CRPPA: variants seen among roughly 807,000 people sequenced by gnomAD.
CRPPA encodes the protein D-ribitol-5-phosphate cytidylyltransferase.
A neutral mutation model predicts 52.0 loss-of-function variants in CRPPA; 43 were observed. That is an observed-to-expected ratio of 0.83 (90% CI 0.65 to 1.07). The LOEUF (loss-of-function observed/expected upper bound fraction) is 1.07, where lower values mean the gene tolerates loss of function less well. Ranked by LOEUF, CRPPA falls within the 50% of genes least tolerant of loss-of-function variation. The pLI is 0.00. For missense variants in CRPPA, 629 were observed against 551.7 expected (o/e 1.14, Z -1.40); for synonymous variants, 250 against 203.5 (o/e 1.23, Z -1.94).
At chr7:16,369,276 G>A (rs1337182447) in intron 3 of CRPPA, among the ~76,000 whole-genome samples, 1 of 152,218 alleles carries the variant, frequency 6.6e-6, no homozygotes, top group Non-Finnish European at 1.5e-5. Flanking sequence ...CAAGCAGGGG[G>A]TACATGACAG....
intron 8 of CRPPA, among the ~76,000 whole-genome samples, chr7:16,241,098 C>G (rs1783094954): frequency 6.6e-6 from 1 of 152,246 alleles, no homozygotes. Flanking sequence ...GGCTCTGCCA[C>G]TGGTGAGCTT....
chr7:16,286,044 A>AAAAAAAAT (rs1784429583), intron 5 of CRPPA, among the ~76,000 whole-genome samples: 1 of 12,542 alleles, frequency 8.0e-5, no homozygotes, highest in African/African-American at 5.3e-4. Context: ...AAAAAATATA[A>AAAAAAAAT]ATATATATAT....
intron 9 of CRPPA, among the ~76,000 whole-genome samples, chr7:16,102,940 G>T (rs752222943): frequency 6.6e-6 from 1 of 152,070 alleles, no homozygotes; most frequent in Non-Finnish European, 1.5e-5. Flanking sequence ...TTTGACCCAG[G>T]AATCCCATTA....
chr7:16,347,698 A>G (rs1786050352), intron 3 of CRPPA, among the ~76,000 whole-genome samples: 2 of 152,132 alleles, frequency 1.3e-5, no homozygotes, highest in African/African-American at 4.8e-5. Flanking sequence ...CTGAGAAAAC[A>G]TCCACACTGG....
At chr7:16,330,690 T>C (rs537238967) in intron 3 of CRPPA, among the ~76,000 whole-genome samples, 95 of 152,082 alleles carry the variant, frequency 6.2e-4, no homozygotes, top group Non-Finnish European at 1.2e-3. Flanking sequence ...CTCATACTAC[T>C]AATATGGGAG....
chr7:16,121,696 G>A (rs972399623), intron 9 of CRPPA, among the ~76,000 whole-genome samples: 4 of 152,068 alleles, frequency 2.6e-5, no homozygotes, highest in Non-Finnish European at 4.4e-5. Flanking sequence ...TCACACATAT[G>A]CATTACAAAG....
intron 1 of CRPPA, among the ~76,000 whole-genome samples, chr7:16,407,036 C>T (rs1307645792): frequency 1.3e-5 from 2 of 152,186 alleles, no homozygotes; most frequent in Non-Finnish European, 2.9e-5. Flanking sequence ...AATACAGTGG[C>T]ACCATCTCAG....
intron 8 of CRPPA, among the ~76,000 whole-genome samples, chr7:16,222,418 C>T (rs1782539159): frequency 6.9e-6 from 1 of 145,318 alleles, no homozygotes; most frequent in Non-Finnish European, 1.5e-5. Context: ...ACAATGTGCA[C>T]ATGTACCCTA....
chr7:16,255,379 T>C (rs988937127), intron 8 of CRPPA, among the ~76,000 whole-genome samples: 61 of 152,162 alleles, frequency 4.0e-4, no homozygotes, highest in African/African-American at 1.4e-3. Context: ...AAGTAATTTA[T>C]AGATTCAGTG....
chr7:16,241,089 G>C (rs1309180520), intron 8 of CRPPA, among the ~76,000 whole-genome samples: 1 of 152,156 alleles, frequency 6.6e-6, no homozygotes, highest in East Asian at 1.9e-4. Flanking sequence ...TCAGTTGCTG[G>C]CTCTGCCACT....
intron 9 of CRPPA, among the ~76,000 whole-genome samples, chr7:16,136,736 C>T (rs779917517): frequency 2.6e-5 from 4 of 152,124 alleles, no homozygotes; most frequent in Non-Finnish European, 5.9e-5. Flanking sequence ...AAAGAAGGTG[C>T]CCACTGTTTA....
rs552943460 is a variant in CRPPA at position 16,089,522 on chromosome 7, T to C, written c.*2173A>G. ...ACGTACATACATAGATATGGGTATA[T>C]ATGTACGTACATACATATATATGTA... On this transcript the variant is annotated 3_prime_UTR_variant, in exon 10 of 10. Transcript: ENST00000407010. The C allele has an allele frequency of 6.9e-5, 19 of 273,958 alleles. No individual in the cohort carries two copies. The highest frequency in any genetic ancestry group is 3.2e-4 in the South Asian group (10 of 31,270). The allele number at this position is 273,958 out of a possible 1,614,324, so 17.0% of individuals were successfully genotyped here.
At chr7:16,378,091 C>CA (rs1786947303) in intron 2 of CRPPA, among the ~76,000 whole-genome samples, 1 of 151,100 alleles carries the variant, frequency 6.6e-6, no homozygotes, top group Non-Finnish European at 1.5e-5. Flanking sequence ...GTGATTTTTC[C>CA]TTTTTTTTTA....
intron 9 of CRPPA, among the ~76,000 whole-genome samples, chr7:16,191,221 T>C (rs1217571053): frequency 6.6e-6 from 1 of 152,082 alleles, no homozygotes; most frequent in Non-Finnish European, 1.5e-5. Flanking sequence ...ACTCTCATAG[T>C]GTAAAGCAGA....
At chr7:16,307,344 T>G (rs1481219718) in intron 4 of CRPPA, among the ~76,000 whole-genome samples, 1 of 152,132 alleles carries the variant, frequency 6.6e-6, no homozygotes, top group Non-Finnish European at 1.5e-5. Context: ...AGCTGCAGTA[T>G]GATAGTGCCA....
intron 2 of CRPPA, among the ~76,000 whole-genome samples, chr7:16,385,246 T>A (rs976943194): frequency 6.0e-5 from 9 of 150,692 alleles, no homozygotes; most frequent in African/African-American, 2.0e-4. Flanking sequence ...AAAAAAAAAA[T>A]TCAAGGAAAT....
In CRPPA at chr7:16,088,254, T is replaced by C. The variant is rs571931363; in HGVS notation, c.*3441A>G. On this transcript the variant is annotated 3_prime_UTR_variant, in exon 10 of 10. Transcript: ENST00000407010. ...GAAAGAAAACCATTTTGCAACAAAA[T>C]TTCCCACAAGTGGAAGCATTTTCAG... is the stretch of plus-strand genomic sequence containing the variant. 2.2e-4 allele frequency: 34 copies of C among 152,292 alleles called. No individual in the cohort carries two copies. The highest frequency in any genetic ancestry group is 8.2e-4 in the African/African-American group (34 of 41,570). 9.4% of individuals were successfully genotyped at this position (152,292 alleles called of 1,614,324 possible).
intron 9 of CRPPA, among the ~76,000 whole-genome samples, chr7:16,141,964 G>A (rs2128376066): frequency 6.6e-6 from 1 of 152,224 alleles, no homozygotes; most frequent in South Asian, 2.1e-4. Flanking sequence ...CAGCCTGTGA[G>A]AGAGAGGAAA....
intron 6 of CRPPA, among the ~76,000 whole-genome samples, chr7:16,275,101 G>C (rs1257132346): frequency 6.6e-6 from 1 of 151,890 alleles, no homozygotes; most frequent in Non-Finnish European, 1.5e-5. Context: ...AGTGGGTAGG[G>C]ATAAATTGGC....
Sources: allele counts gnomAD v4.1 joint callset (sites outside exome capture counted in the v4.1 genomes callset), GRCh38; gene constraint gnomAD v4.1.1; transcripts MANE v1.5; gene names NCBI Gene and HGNC (gene_info 2026-07-23, HGNC 2026-07-21).